Variants in SNX9 observed in about 807,000 individuals in gnomAD.
SNX9 encodes the protein sorting nexin 9, also known as sorting nexin-9.
SNX9 carries 44 observed loss-of-function variants against 89.4 expected under a neutral mutation model. The ratio of observed to expected loss-of-function variants is 0.49; its 90% CI spans 0.39 to 0.63. SNX9 has a LOEUF of 0.63. SNX9 is among the 30% of genes least tolerant of loss of function. SNX9 has a pLI of 0.00. For synonymous variants in SNX9, 236 were observed against 247.8 expected (o/e 0.95, Z 0.45); for missense variants, 578 against 736.1 (o/e 0.79, Z 2.49).
intron 1 of SNX9, among the ~76,000 whole-genome samples, chr6:157,838,117 A>T (rs1431281029): frequency 6.6e-6 from 1 of 152,068 alleles, no homozygotes; most frequent in African/African-American, 2.4e-5. Flanking sequence ...GGCTCGAACA[A>T]TCTTTCCACC....
chr6:157,855,567 T>C (rs1781993651), intron 1 of SNX9, among the ~76,000 whole-genome samples: 1 of 152,242 alleles, frequency 6.6e-6, no homozygotes, highest in African/African-American at 2.4e-5. Flanking sequence ...GGTAGACTGA[T>C]AGGTGAAAAA....
chr6:157,827,693 T>C (rs1279454136), intron 1 of SNX9, among the ~76,000 whole-genome samples: 2 of 149,376 alleles, frequency 1.3e-5, no homozygotes, highest in Non-Finnish European at 3.0e-5. Flanking sequence ...TTTTTCAGTG[T>C]CTGTCAAAGG....
intron 1 of SNX9, among the ~76,000 whole-genome samples, chr6:157,827,575 A>G (rs1485500581): frequency 2.2e-5 from 3 of 135,254 alleles, no homozygotes; most frequent in Non-Finnish European, 4.6e-5. Context: ...ATATAAATAT[A>G]TATTATATTA....
intron 1 of SNX9, among the ~76,000 whole-genome samples, chr6:157,844,600 G>GTTTGTTTTTTTTTTTTTTTTT (rs1781767359): frequency 7.6e-6 from 1 of 131,806 alleles, no homozygotes; most frequent in Non-Finnish European, 1.6e-5. Flanking sequence ...TTTTTTTTTT[G>GTTTGTTTTTTTTTTTTTTTTT]TTTTTTTTTT....
At chr6:157,840,155 G>GCACA (rs1562590741) in intron 1 of SNX9, among the ~76,000 whole-genome samples, 13 of 108,200 alleles carry the variant, frequency 1.2e-4, no homozygotes, top group African/African-American at 4.5e-4. Flanking sequence ...GCTGGTGCTT[G>GCACA]GGGTGTCTTT....
At chr6:157,904,829 A>G (rs1363954014) in intron 6 of SNX9, among the ~76,000 whole-genome samples, 1 of 152,206 alleles carries the variant, frequency 6.6e-6, no homozygotes, top group Non-Finnish European at 1.5e-5. Context: ...TGCTTCCTCT[A>G]AGTCCCTCTG....
intron 1 of SNX9, among the ~76,000 whole-genome samples, chr6:157,853,812 G>T (rs1385683134): frequency 1.3e-5 from 2 of 151,800 alleles, no homozygotes; most frequent in African/African-American, 4.8e-5. Context: ...AACAACAAAG[G>T]TGGTGATAGC....
intron 4 of SNX9, among the ~76,000 whole-genome samples, chr6:157,876,382 C>G (rs974059896): frequency 2.0e-5 from 3 of 152,078 alleles, no homozygotes; most frequent in African/African-American, 7.2e-5. Flanking sequence ...AACTGGGAGG[C>G]GGCCACTGCA....
intron 5 of SNX9, among the ~76,000 whole-genome samples, chr6:157,900,190 G>T (rs1359194039): frequency 3.3e-5 from 5 of 151,950 alleles, no homozygotes; most frequent in Non-Finnish European, 5.9e-5. Context: ...ATGTAAATAA[G>T]ATCCATGTGG....
chr6:157,939,351 G>A (rs1783989181), intron 16 of SNX9, among the ~76,000 whole-genome samples: 2 of 152,252 alleles, frequency 1.3e-5, no homozygotes, highest in Admixed American at 1.3e-4. Flanking sequence ...AGGTTATTGG[G>A]AAATAAATTT....
chr6:157,841,753 C>CT (rs1469085597), intron 1 of SNX9, among the ~76,000 whole-genome samples: 4 of 152,216 alleles, frequency 2.6e-5, no homozygotes, highest in Non-Finnish European at 5.9e-5. Flanking sequence ...CAAGGTCCCA[C>CT]TTATCTTCAA....
intron 1 of SNX9, among the ~76,000 whole-genome samples, chr6:157,864,251 C>T (rs1782205515): frequency 6.6e-6 from 1 of 152,106 alleles, no homozygotes; most frequent in African/African-American, 2.4e-5. Context: ...CCCACGAGCC[C>T]TTTTTGTAGC....
chr6:157,872,731 C>A, intron 2 of SNX9: 1 of 158,472 alleles, frequency 6.3e-6, no homozygotes, highest in Non-Finnish European at 1.4e-5. Flanking sequence ...TTCTGTTGAC[C>A]AGCGAGGTGG....
intron 1 of SNX9, among the ~76,000 whole-genome samples, chr6:157,834,862 T>C (rs938023764): frequency 1.1e-4 from 16 of 152,154 alleles, no homozygotes; most frequent in African/African-American, 3.6e-4. Flanking sequence ...TCCAACAGTA[T>C]GTAAAGCGTA....
At chr6:157,940,003 A>G (rs973648231) in intron 16 of SNX9, among the ~76,000 whole-genome samples, 2 of 152,168 alleles carry the variant, frequency 1.3e-5, no homozygotes, top group African/African-American at 4.8e-5. Context: ...CCATGTATTC[A>G]GCAAACATGA....
chr6:157,938,718 G>C lies in SNX9; in HGVS notation c.1619G>C (p.Arg540Thr). 6.2e-7 allele frequency: 1 copy of C among 1,614,058 alleles called. No homozygotes were observed. Among genetic ancestry groups the C allele is most frequent in the Non-Finnish European group, 8.5e-7 (1 of 1,179,948 alleles). The change falls in exon 16 of 18, where the codon AGA (arginine) becomes ACA (threonine). Residue 540 changes from arginine (R) to threonine (T), a missense_variant. Arg to Thr is a moderately conservative substitution (Grantham distance 71). Coordinates refer to ENST00000392185, the MANE Select transcript of SNX9 (RefSeq NM_016224.5). ...TLQDKQNMVK[R>T]VSIMSYALQA... The stretch of plus-strand genomic sequence containing the variant: ...CAAGACAAACAGAACATGGTGAAGA[G>C]AGTCAGCATCATGTCTTACGCGTTG...
rs1562586490 is a variant in SNX9 at position 157,827,515 on chromosome 6, A to ATAGTTTATATAATATATAAACT, written c.12+4071_12+4072insGTTTATATAATATATAAACTTA. Among the ~76,000 whole-genome samples, 14 of 5,772 alleles carry ATAGTTTATATAATATATAAACT rather than the reference A, an allele frequency of 2.4e-3. 4 individuals are homozygous for ATAGTTTATATAATATATAAACT. The highest frequency in any genetic ancestry group is 0.013 in the East Asian group (3 of 232). 3.8% of individuals were successfully genotyped at this position (5,772 alleles called of 152,430 possible). ...CTTATAGTTTATATAATATATAAAC[A>ATAGTTTATATAATATATAAACT]TATAGTTTATATAATATATAAACAT... On this transcript the variant is annotated intron_variant, in intron 1 of 17. Transcript: ENST00000392185.
rs1401390372 is a variant in SNX9 at position 157,864,324 on chromosome 6, T to TC, written c.13-3220dup. Reference sequence around the variant, plus strand: ...CTAAACGCCCCCCATTTGCCGCACCTCCCAATACCACTGCCTTGGGGGTTC... The same window carrying TC: ...CTAAACGCCCCCCATTTGCCGCACCTCCCCAATACCACTGCCTTGGGGGTTC... On this transcript the variant is annotated intron_variant, in intron 1 of 17. Transcript: ENST00000392185. Among the ~76,000 whole-genome samples the TC allele has an allele frequency of 9.2e-5, 14 of 152,216 alleles. No homozygotes were observed. In the East Asian group the frequency reaches 2.5e-3, roughly 27 times the overall value.
intron 4 of SNX9, among the ~76,000 whole-genome samples, chr6:157,877,332 A>C (rs771467009): frequency 3.3e-5 from 5 of 152,218 alleles, no homozygotes; most frequent in Non-Finnish European, 5.9e-5. Context: ...TTTGAAAGCA[A>C]AGAAAAATGA....
Sources: gnomAD v4.1 joint callset for allele counts (sites outside exome capture counted in the v4.1 genomes callset) on GRCh38, gnomAD v4.1.1 for gene constraint, MANE v1.5 for transcripts, NCBI Gene and HGNC (gene_info 2026-07-23, HGNC 2026-07-21) for gene names.